The following MBOAT2 variants were observed in gnomAD, a reference collection of about 807,000 sequenced individuals.
MBOAT2 encodes the protein membrane-bound glycerophospholipid O-acyltransferase 2.
In MBOAT2, 28 loss-of-function variants were observed where a neutral mutation model predicts 63.4. That is an observed-to-expected ratio of 0.44 (90% confidence interval 0.33 to 0.61). The LOEUF (loss-of-function observed/expected upper bound fraction) is 0.61. MBOAT2 is among the 20% of genes least tolerant of loss of function. The pLI, the probability that MBOAT2 is intolerant of heterozygous loss-of-function variation, is 0.03. For synonymous variants in MBOAT2, 211 were observed against 215.6 expected, an observed-to-expected ratio of 0.98 and a Z score of 0.19; for missense variants, 470 against 605.8, an observed-to-expected ratio of 0.78 and a Z score of 2.35.
intron 5 of MBOAT2, among the ~76,000 whole-genome samples, chr2:8,886,866 T>TTA (rs1177558036): frequency 6.6e-6 from 1 of 152,212 alleles, no homozygotes; most frequent in Non-Finnish European, 1.5e-5. Context: ...CTGAAGATAA[T>TTA]TATAGGCTTT....
chr2:8,871,002 AT>A (rs886579669), intron 8 of MBOAT2, among the ~76,000 whole-genome samples: 6 of 149,348 alleles, frequency 4.0e-5, no homozygotes, highest in Admixed American at 1.3e-4. Context: ...AATTTGGTTG[AT>A]TTTTTTTTTG....
At chr2:8,907,739 T>C (rs1187046537) in intron 4 of MBOAT2, among the ~76,000 whole-genome samples, 1 of 152,226 alleles carries the variant, frequency 6.6e-6, no homozygotes, top group East Asian at 1.9e-4. Flanking sequence ...TCTGAACCTA[T>C]TTTTAAAATC....
At chr2:8,970,127 A>C (rs1670338726) in intron 1 of MBOAT2, among the ~76,000 whole-genome samples, 1 of 152,106 alleles carries the variant, frequency 6.6e-6, no homozygotes, top group South Asian at 2.1e-4. Context: ...GAAGTAAAGC[A>C]CTCCTCAGCA....
At chr2:8,918,069 T>C (rs1210614348) in intron 3 of MBOAT2, among the ~76,000 whole-genome samples, 10 of 152,212 alleles carry the variant, frequency 6.6e-5, no homozygotes, top group Non-Finnish European at 1.5e-4. Flanking sequence ...GGAGACAGGA[T>C]GGACTGATTG....
chr2:8,896,135 A>G (rs2148565169), intron 4 of MBOAT2, among the ~76,000 whole-genome samples: 1 of 149,700 alleles, frequency 6.7e-6, no homozygotes, highest in East Asian at 2.0e-4. Flanking sequence ...GCTACTCAGG[A>G]GGCTGAGGCA....
chr2:8,937,815 C>T (rs116446196), intron 3 of MBOAT2, among the ~76,000 whole-genome samples: 4,195 of 152,222 alleles, frequency 0.028, 205 homozygotes, highest in African/African-American at 0.095. Flanking sequence ...TCATACCATG[C>T]GCCAGGCACT....
At chr2:8,939,880 T>C (rs182000487) in intron 3 of MBOAT2, among the ~76,000 whole-genome samples, 6 of 152,342 alleles carry the variant, frequency 3.9e-5, no homozygotes, top group Admixed American at 2.0e-4. Flanking sequence ...ATATCTGTAA[T>C]TCCTTTAACA....
intron 4 of MBOAT2, among the ~76,000 whole-genome samples, chr2:8,897,973 C>A (rs1664610217): frequency 6.6e-6 from 1 of 152,168 alleles, no homozygotes; most frequent in South Asian, 2.1e-4. Flanking sequence ...ATAGTGAGAT[C>A]CTTTCCTTGT....
intron 5 of MBOAT2, among the ~76,000 whole-genome samples, chr2:8,884,098 T>A (rs1472628319): frequency 7.3e-6 from 1 of 137,280 alleles, no homozygotes; most frequent in Non-Finnish European, 1.5e-5. Flanking sequence ...TAGTTGGGTG[T>A]GGCGGCGGGC....
At chr2:8,948,612 T>C (rs1227158354) in intron 2 of MBOAT2, among the ~76,000 whole-genome samples, 2 of 152,198 alleles carry the variant, frequency 1.3e-5, no homozygotes, top group African/African-American at 4.8e-5. Context: ...TCTGCTGCTA[T>C]GTTAATTTGC....
intron 3 of MBOAT2, among the ~76,000 whole-genome samples, chr2:8,926,474 C>A (rs1666941493): frequency 6.6e-6 from 1 of 152,212 alleles, no homozygotes; most frequent in African/African-American, 2.4e-5. Context: ...CAACAAGGCT[C>A]TGAAAGACCA....
intron 3 of MBOAT2, among the ~76,000 whole-genome samples, chr2:8,922,907 T>G (rs1382865497): frequency 6.6e-6 from 1 of 152,254 alleles, no homozygotes. Flanking sequence ...CATGGGGTTC[T>G]CTGCCTTTCA....
rs948684742 is a variant in MBOAT2 at position 8,871,032 on chromosome 2, T to C, written c.883+2076A>G. On this transcript the variant is annotated intron_variant, in intron 8 of 12. Coordinates refer to ENST00000305997, the MANE Select transcript of MBOAT2 (RefSeq NM_138799.4). ...TTTTTTGAGGCAGGGTCTCACTCTG[T>C]TACCCAGGCTGGAGTGTAATGGTGC... Among the ~76,000 whole-genome samples, 3 of 152,066 alleles carry C rather than the reference T, an allele frequency of 2.0e-5. 1 individual carries two copies. The South Asian group carries it at 6.2e-4, about 32-fold the overall frequency.
chr2:8,908,375 C>G (rs1045442846), intron 4 of MBOAT2: 1 of 354,804 alleles, frequency 2.8e-6, no homozygotes, highest in Non-Finnish European at 5.1e-6. Flanking sequence ...ACTGACCTAG[C>G]CCAAGGACCT....
intron 9 of MBOAT2, among the ~76,000 whole-genome samples, chr2:8,867,830 T>A (rs1028538756): frequency 1.3e-5 from 2 of 152,358 alleles, no homozygotes; most frequent in Middle Eastern, 6.8e-3. Flanking sequence ...ACATTCTACA[T>A]GCCAGATCCT....
chr2:8,894,850 G>C (rs901295144), intron 4 of MBOAT2, among the ~76,000 whole-genome samples: 3 of 152,100 alleles, frequency 2.0e-5, no homozygotes, highest in African/African-American at 7.2e-5. Context: ...GAGTGTTACA[G>C]CTCTTAAAGG....
At chr2:8,993,037 A>G (rs1361476674) in intron 1 of MBOAT2, among the ~76,000 whole-genome samples, 1 of 152,226 alleles carries the variant, frequency 6.6e-6, no homozygotes, top group Non-Finnish European at 1.5e-5. Context: ...AAGGGACACT[A>G]AAAGTGGCAG....
At chr2:8,984,102 T>G (rs971705573) in intron 1 of MBOAT2, among the ~76,000 whole-genome samples, 1 of 152,146 alleles carries the variant, frequency 6.6e-6, no homozygotes, top group Admixed American at 6.6e-5. Context: ...ACCTCACATG[T>G]GAAAACATAA....
At chr2:8,876,939 G>A in intron 7 of MBOAT2, 91 bp downstream of exon 7, 1 of 1,256,728 alleles carries the variant, frequency 8.0e-7, no homozygotes, top group African/African-American at 1.5e-5. Flanking sequence ...AGAAACAGAT[G>A]GATAAGTTCA....
Sources: allele counts gnomAD v4.1 joint callset (sites outside exome capture counted in the v4.1 genomes callset), GRCh38; gene constraint gnomAD v4.1.1; transcripts MANE v1.5; gene names NCBI Gene and HGNC (gene_info 2026-07-23, HGNC 2026-07-21).